Variants in POLRMT observed in about 807,000 individuals in gnomAD.
The protein encoded by POLRMT is RNA polymerase mitochondrial, also known as DNA-directed RNA polymerase, mitochondrial.
In POLRMT, 114 loss-of-function variants were observed where a neutral mutation model predicts 132.2. That is an observed-to-expected ratio of 0.86 (90% CI 0.74 to 1.01). The LOEUF (loss-of-function observed/expected upper bound fraction) is 1.01. POLRMT is among the 50% of genes least tolerant of loss of function. The pLI, the probability that POLRMT is intolerant of heterozygous loss-of-function variation, is 0.00. For missense variants in POLRMT, 2,003 were observed against 1,729.1 expected (o/e 1.16, Z -2.81); for synonymous variants, 1,020 against 773.4 (o/e 1.32, Z -5.29).
intron 10 of POLRMT, 28 bp from the exon 11 acceptor site, chr19:620,515 G>A (rs1211646054): frequency 6.3e-5 from 97 of 1,539,484 alleles, no homozygotes; most frequent in Non-Finnish European, 7.9e-5. Context: ...GGGGGGCAGT[G>A]AGGCCCGGGC....
intron 1 of POLRMT, 51 bp from the exon 2 acceptor site, chr19:632,989 C>A: frequency 7.5e-7 from 1 of 1,336,410 alleles, no homozygotes. Context: ...TGGGCGGGGG[C>A]CTCCATAAAG....
intron 2 of POLRMT, among the ~76,000 whole-genome samples, chr19:630,484 C>T (rs951382427): frequency 7.2e-5 from 11 of 152,148 alleles, no homozygotes; most frequent in Non-Finnish European, 4.4e-5. Context: ...AGGCCCAGAA[C>T]CCGGGGTCTG....
chr19:619,059 C>T lies in POLRMT; in HGVS notation c.3205G>A (p.Glu1069Lys). Residue 1069 changes from glutamate to lysine, a missense_variant, in exon 15 of 21, where the codon GAG becomes AAG. Physicochemically the swap from Glu to Lys is moderately conservative, Grantham distance 56. Coordinates refer to ENST00000588649, the MANE Select transcript of POLRMT (RefSeq NM_005035.4). ...GGGACGCCCAGGGGTGTGACCCACT[C>T]CACCACAGAGCCCATGTGGGAGATG... ...RLISHMGSVV[E>K]WVTPLGVPVI... 1 of 1,609,250 alleles carries T rather than the reference C, an allele frequency of 6.2e-7. No homozygotes were observed. The highest frequency in any genetic ancestry group is 8.5e-7 in the Non-Finnish European group (1 of 1,178,312).
intron 10 of POLRMT, 121 bp downstream of exon 10, chr19:620,937 G>GGCTC (rs1230840074): frequency 3.4e-6 from 1 of 290,104 alleles, no homozygotes; most frequent in African/African-American, 6.4e-5. Context: ...GGCGCCAGGG[G>GGCTC]AGGGGGAGGG....
chr19:629,380 A>T (rs572905132), intron 3 of POLRMT, among the ~76,000 whole-genome samples, 160 bp downstream of exon 3: 39 of 152,308 alleles, frequency 2.6e-4, no homozygotes, highest in Non-Finnish European at 4.7e-4. Flanking sequence ...AAAATTTGAG[A>T]GTCACACGTG....
chr19:620,143 A>G, intron 11 of POLRMT, 63 bp from the exon 12 acceptor site: 1 of 1,523,226 alleles, frequency 6.6e-7, no homozygotes, highest in Non-Finnish European at 8.8e-7. Context: ...GGGACCCCAA[A>G]CCACCCCCCA....
chr19:622,568 G>C lies in POLRMT; in HGVS notation c.1626+14C>G. ...ACTGGCCCCAGCCAGGAGGAGAGGGGGTGCGAGCCTCACCTCGGCGTCGGA... is the reference window on the plus strand; with the variant it reads ...ACTGGCCCCAGCCAGGAGGAGAGGGCGTGCGAGCCTCACCTCGGCGTCGGA... On this transcript the variant is annotated intron_variant, in intron 8 of 20. Coordinates refer to ENST00000588649, the MANE Select transcript of POLRMT (RefSeq NM_005035.4). The C allele has an allele frequency of 6.3e-7, 1 of 1,588,762 alleles. No individual in the cohort carries two copies. Among genetic ancestry groups the C allele is most frequent in the Non-Finnish European group, 8.6e-7 (1 of 1,167,118 alleles).
intron 17 of POLRMT, 24 bp from the exon 18 acceptor site, chr19:617,873 G>A (rs770154364): frequency 1.1e-5 from 17 of 1,609,804 alleles, no homozygotes; most frequent in Admixed American, 3.3e-5. Flanking sequence ...GAGGACTCCT[G>A]AAGGGAGGGG....
intron 1 of POLRMT, 174 bp downstream of exon 1, chr19:633,251 G>T: frequency 1.2e-6 from 1 of 801,780 alleles, no homozygotes; most frequent in Non-Finnish European, 1.8e-6. Context: ...CAGACTGCAC[G>T]GAGGAGCCTC....
chr19:620,897 AGGGG>A (rs1984491812), intron 10 of POLRMT, among the ~76,000 whole-genome samples, 157 bp downstream of exon 10: 1 of 25,946 alleles, frequency 3.9e-5, no homozygotes, highest in Non-Finnish European at 6.7e-5. Flanking sequence ...GCGCCAGGGG[AGGGG>A]GAGGGGAGGA....
At chr19:617,692 G>A (rs1984103496) in intron 18 of POLRMT, 37 bp from the exon 19 acceptor site, 2 of 1,610,464 alleles carry the variant, frequency 1.2e-6, no homozygotes, top group African/African-American at 2.7e-5. Flanking sequence ...GGGTGATCAG[G>A]CAGGCTCTGG....
intron 1 of POLRMT, 76 bp from the exon 2 acceptor site, chr19:633,014 G>A (rs1985542081): frequency 9.5e-6 from 10 of 1,055,866 alleles, no homozygotes; most frequent in Non-Finnish European, 1.2e-5. Context: ...AAGCCGAAGG[G>A]TCGAAGGGCA....
At chr19:622,544 C>T in intron 8 of POLRMT, 38 bp downstream of exon 8, 1 of 1,558,460 alleles carries the variant, frequency 6.4e-7, no homozygotes, top group Middle Eastern at 2.3e-4. Flanking sequence ...CCACCCACCA[C>T]TGGCCCCAGC....
At chr19:631,294 C>T (rs939868477) in intron 2 of POLRMT, among the ~76,000 whole-genome samples, 1 of 145,172 alleles carries the variant, frequency 6.9e-6, no homozygotes, top group Non-Finnish European at 1.5e-5. Context: ...GGCCACCGTG[C>T]TGCAGCCTGA....
At position 623,613 on chromosome 19, in the gene POLRMT, T is replaced by A; in HGVS notation, c.1141-10A>T. 1 of 1,612,790 alleles carries A rather than the reference T, an allele frequency of 6.2e-7. No homozygotes were observed. The highest frequency in any genetic ancestry group is 1.3e-5 in the African/African-American group (1 of 74,992). ...AGGACACACGCCCATCCTGCAGGGA[T>A]GGGGGTAGTGAGGTTGGGGGCTTGC... On this transcript the variant is annotated splice_polypyrimidine_tract_variant and intron_variant, in intron 5 of 20. Coordinates refer to ENST00000588649, the MANE Select transcript of POLRMT (RefSeq NM_005035.4).
chr19:620,705 G>A (rs1025112635), intron 10 of POLRMT, among the ~76,000 whole-genome samples: 1 of 146,674 alleles, frequency 6.8e-6, no homozygotes, highest in African/African-American at 2.5e-5. Flanking sequence ...TGAAACAAGC[G>A]TGTCCGGAGC....
intron 10 of POLRMT, 126 bp downstream of exon 10, chr19:620,932 C>T (rs1422796087): frequency 4.0e-6 from 1 of 249,726 alleles, no homozygotes; most frequent in African/African-American, 9.2e-5. Context: ...CAGGGGGCGC[C>T]AGGGGAGGGG....
intron 3 of POLRMT, 29 bp downstream of exon 3, chr19:629,511 C>A: frequency 1.3e-6 from 2 of 1,488,566 alleles, no homozygotes; most frequent in South Asian, 2.8e-5. Context: ...ACGACCAGGG[C>A]AGGTGGCCCG....
chr19:623,618 G>A lies in POLRMT; in HGVS notation c.1141-15C>T, dbSNP rs1984805292. The A allele has an allele frequency of 8.7e-6, 14 of 1,612,492 alleles. No individual in the cohort carries two copies. The highest frequency in any genetic ancestry group is 1.0e-5 in the Non-Finnish European group (12 of 1,179,160). On this transcript the variant is annotated splice_polypyrimidine_tract_variant and intron_variant, in intron 5 of 20. Coordinates refer to ENST00000588649, the MANE Select transcript of POLRMT (RefSeq NM_005035.4). ...ACACGCCCATCCTGCAGGGATGGGG[G>A]TAGTGAGGTTGGGGGCTTGCCAGAG...
Sources: gnomAD v4.1 joint callset for allele counts (sites outside exome capture counted in the v4.1 genomes callset) on GRCh38, gnomAD v4.1.1 for gene constraint, MANE v1.5 for transcripts, NCBI Gene and HGNC (gene_info 2026-07-23, HGNC 2026-07-21) for gene names.